Variants in TMEM233 observed in about 807,000 individuals in gnomAD.
TMEM233 encodes transmembrane protein 233, also known as dispanin subfamily B member 2.
A neutral mutation model predicts 11.2 loss-of-function variants in TMEM233; 6 were observed. The observed-to-expected ratio is 0.54, with a 90% CI of 0.29 to 1.06. The LOEUF is 1.06. Among genes scored for constraint, TMEM233 ranks in the 50% least tolerant of loss-of-function variants. TMEM233 has a pLI of 0.08. For missense variants in TMEM233, 127 were observed against 144.7 expected (o/e 0.88, Z 0.63); for synonymous variants, 59 against 55.8 (o/e 1.06, Z -0.26).
chr12:119,597,601 A>T (rs752034851), intron 1 of TMEM233, among the ~76,000 whole-genome samples: 5 of 152,220 alleles, frequency 3.3e-5, no homozygotes, highest in African/African-American at 4.8e-5. Flanking sequence ...GGAAAAATAC[A>T]CATTCAAGAA....
chr12:119,596,977 T>A (rs758483116), intron 1 of TMEM233, among the ~76,000 whole-genome samples: 8 of 152,216 alleles, frequency 5.3e-5, no homozygotes, highest in Non-Finnish European at 1.2e-4. Context: ...GGAGATATCA[T>A]GTTACATATA....
At chr12:119,638,738 T>A (rs1373580944) in intron 2 of TMEM233, among the ~76,000 whole-genome samples, 3 of 152,054 alleles carry the variant, frequency 2.0e-5, no homozygotes, top group South Asian at 4.1e-4. Flanking sequence ...CACACTGCAG[T>A]TTAAACATGA....
chr12:119,648,358 A>C, the TMEM233 span, among the ~76,000 whole-genome samples: 25 of 152,240 alleles, frequency 1.6e-4, no homozygotes, highest in Admixed American at 3.3e-4. Context: ...CAGCATCTAG[A>C]CTAGGGCTTG....
intron 1 of TMEM233, among the ~76,000 whole-genome samples, chr12:119,610,885 C>T (rs371759773): frequency 8.5e-5 from 13 of 152,128 alleles, no homozygotes; most frequent in South Asian, 2.1e-4. Context: ...TCTATCTCTA[C>T]GGATTTACCT....
At chr12:119,616,336 T>C (rs559665152) in intron 1 of TMEM233, among the ~76,000 whole-genome samples, 1 of 152,334 alleles carries the variant, frequency 6.6e-6, no homozygotes, top group Admixed American at 6.5e-5. Flanking sequence ...TAGACTATGC[T>C]CTTGTTCTAT....
At chr12:119,645,733 C>T (rs931729661), downstream of TMEM233, among the ~76,000 whole-genome samples, 1 of 152,156 alleles carries the variant, frequency 6.6e-6, no homozygotes, top group Non-Finnish European at 1.5e-5. Flanking sequence ...GACCCGGTCA[C>T]GGCGTTCATC....
intron 1 of TMEM233, among the ~76,000 whole-genome samples, chr12:119,610,491 T>C (rs1232657273): frequency 6.6e-6 from 1 of 152,170 alleles, no homozygotes; most frequent in Non-Finnish European, 1.5e-5. Context: ...CATGCAAATC[T>C]CATCTTGAAT....
At chr12:119,602,655 G>A (rs1307501401) in intron 1 of TMEM233, among the ~76,000 whole-genome samples, 1 of 152,162 alleles carries the variant, frequency 6.6e-6, no homozygotes, top group Non-Finnish European at 1.5e-5. Flanking sequence ...CTGACATTTG[G>A]TATTTAGGAA....
At chr12:119,640,082 C>T (rs1378537327) in intron 2 of TMEM233, among the ~76,000 whole-genome samples, 1 of 152,206 alleles carries the variant, frequency 6.6e-6, no homozygotes, top group Non-Finnish European at 1.5e-5. Flanking sequence ...CTATACTAAT[C>T]CTTGGGGAGG....
At chr12:119,653,341 G>A in the TMEM233 span, among the ~76,000 whole-genome samples, 3 of 131,272 alleles carry the variant, frequency 2.3e-5, no homozygotes, top group Admixed American at 8.9e-5. Context: ...GCAGTGAGCC[G>A]AGATCACACC....
At chr12:119,653,669 A>G in the TMEM233 span, among the ~76,000 whole-genome samples, 1 of 152,058 alleles carries the variant, frequency 6.6e-6, no homozygotes, top group African/African-American at 2.4e-5. Context: ...CTAAGAAAAC[A>G]AATCCTGAAA....
At chr12:119,635,835 T>C (rs1249071742) in intron 2 of TMEM233, among the ~76,000 whole-genome samples, 2 of 152,224 alleles carry the variant, frequency 1.3e-5, no homozygotes, top group Non-Finnish European at 2.9e-5. Flanking sequence ...TTTACCCATT[T>C]ATTACAAAGG....
At chr12:119,600,698 ATAT>A (rs1954145592) in intron 1 of TMEM233, among the ~76,000 whole-genome samples, 1 of 152,224 alleles carries the variant, frequency 6.6e-6, no homozygotes, top group African/African-American at 2.4e-5. Context: ...AAAAGGACAA[ATAT>A]TATATGATTC....
chr12:119,614,828 G>A (rs1954488341), intron 1 of TMEM233, among the ~76,000 whole-genome samples: 1 of 152,102 alleles, frequency 6.6e-6, no homozygotes, highest in Non-Finnish European at 1.5e-5. Flanking sequence ...TGTACATATA[G>A]TGGTTAGTCC....
At chr12:119,635,973 C>T (rs1954963880) in intron 2 of TMEM233, among the ~76,000 whole-genome samples, 1 of 152,166 alleles carries the variant, frequency 6.6e-6, no homozygotes, top group Non-Finnish European at 1.5e-5. Flanking sequence ...AATCTAAAAC[C>T]TCTCCCAACC....
At chr12:119,610,414 CT>C (rs1426463144) in intron 1 of TMEM233, among the ~76,000 whole-genome samples, 1 of 152,034 alleles carries the variant, frequency 6.6e-6, no homozygotes, top group Non-Finnish European at 1.5e-5. Context: ...ATTTTTGTGT[CT>C]TGAAATGTGA....
the TMEM233 span, among the ~76,000 whole-genome samples, chr12:119,650,477 C>T: frequency 1.3e-5 from 2 of 152,364 alleles, no homozygotes; most frequent in South Asian, 4.1e-4. Flanking sequence ...AACAGAACTA[C>T]TTTCTACGCA....
intron 1 of TMEM233, among the ~76,000 whole-genome samples, chr12:119,612,014 GAC>G (rs1954408951): frequency 6.7e-6 from 1 of 149,586 alleles, no homozygotes; most frequent in Admixed American, 6.7e-5. Flanking sequence ...TTTTTTCTGA[GAC>G]AGAGTCTCGC....
intron 1 of TMEM233, among the ~76,000 whole-genome samples, chr12:119,605,376 A>G (rs546078973): frequency 5.6e-5 from 8 of 143,386 alleles, no homozygotes; most frequent in Middle Eastern, 3.8e-3. Context: ...CCTTACCCCC[A>G]TGAAGCATTA....
Sources: gnomAD v4.1 joint callset for allele counts (sites outside exome capture counted in the v4.1 genomes callset) on GRCh38, gnomAD v4.1.1 for gene constraint, MANE v1.5 for transcripts, NCBI Gene and HGNC (gene_info 2026-07-23, HGNC 2026-07-21) for gene names.